Variants in PLA2G6 observed in about 807,000 individuals in gnomAD.
PLA2G6 encodes 85/88 kDa calcium-independent phospholipase A2.
PLA2G6 carries 62 observed loss-of-function variants against 83.8 expected under a neutral mutation model. The ratio of observed to expected loss-of-function variants is 0.74; its 90% confidence interval spans 0.60 to 0.91. The LOEUF is 0.91. PLA2G6 is among the 40% of genes least tolerant of loss of function. The pLI, the probability that PLA2G6 is intolerant of heterozygous loss-of-function variation, is 0.00. For missense variants in PLA2G6, 944 were observed against 1,102.0 expected (o/e 0.86, Z 2.03); for synonymous variants, 417 against 449.8 (o/e 0.93, Z 0.92).
At position 38,169,240 on chromosome 22, in the gene PLA2G6, T is replaced by C. The variant is rs11570606; in HGVS notation, c.187A>G (p.Arg63Gly). ...CACCGGAATCCACTCTGTGAGTTCC[T>C]GGGGTTGACCAGGACGCAGTCCCAG... ...RTWDCVLVNP[R>G]NSQSGFRLFQ... The change falls in exon 2 of 17, where the codon AGG (arginine) becomes GGG (glycine). Residue 63 changes from arginine to glycine, a missense_variant. Coordinates refer to ENST00000332509, the MANE Select transcript of PLA2G6 (RefSeq NM_003560.4). The C allele has an allele frequency of 6.1e-4, 991 of 1,614,052 alleles. 6 individuals carry two copies. The African/African-American group carries it at 0.012, about 20-fold the overall frequency.
rs1484691463 is a variant in PLA2G6, at chr22:38,128,542, T to C, written c.1187-112A>G. ...GTCCCCTGTCCCAGCTCCCAGGCCCTGGGCACGTGGGCTGCTCCAGAGGCC... is the reference window on the plus strand; with the variant it reads ...GTCCCCTGTCCCAGCTCCCAGGCCCCGGGCACGTGGGCTGCTCCAGAGGCC... On this transcript the variant is annotated intron_variant, in intron 8 of 16. Transcript: ENST00000332509. The surrounding 1 kb of genome is among the most constrained non-coding windows in gnomAD (Gnocchi z 4.4). 2.6e-6 allele frequency: 3 copies of C among 1,171,642 alleles called. No individual in the cohort carries two copies. The highest frequency in any genetic ancestry group is 4.0e-5 in the Admixed American group (2 of 50,178). The allele number at this position is 1,171,642 out of a possible 1,614,324, so 72.6% of individuals were successfully genotyped here.
Position 38,134,540 on chromosome 22 carries a change from C to T in PLA2G6, c.894+448G>A, listed in dbSNP as rs372427539. The T allele has an allele frequency of 1.0e-4, 16 of 156,564 alleles. No individual in the cohort carries two copies. In the South Asian group the frequency reaches 1.9e-3, roughly 18 times the overall value. The allele number at this position is 156,564 out of a possible 1,614,324, so 9.7% of individuals were successfully genotyped here. ...TTGTGCCACTGCACTCCAGCCTGGG[C>T]GACAGAGCGAGACTCCGTCTCAAAA... On this transcript the variant is annotated intron_variant, in intron 6 of 16. Transcript: ENST00000332509.
At position 38,116,148 on chromosome 22, in the gene PLA2G6, G is replaced by A. The variant is rs778516402; in HGVS notation, c.1806C>T (p.Tyr602=). The A allele has an allele frequency of 1.2e-5, 20 of 1,613,722 alleles. No individual in the cohort carries two copies. Among genetic ancestry groups the A allele is most frequent in the African/African-American group, 2.7e-5 (2 of 74,914 alleles). ...GCTCCCGGACAGTTTCTGGAGCATCGTAGTTCCGGAAGAGGTGGAGTTCAG... is the reference window on the plus strand; with the variant it reads ...GCTCCCGGACAGTTTCTGGAGCATCATAGTTCCGGAAGAGGTGGAGTTCAG... The part of the protein sequence containing the change: ...QPAELHLFRN[Y]DAPETVREPR... Residue 602 remains tyrosine (Y), a synonymous_variant, in exon 13 of 17, where the codon TAC becomes TAT. Transcript: ENST00000332509.
intron 2 of PLA2G6, among the ~76,000 whole-genome samples, chr22:38,168,288 T>C (rs1478714283): frequency 6.6e-6 from 1 of 152,186 alleles, no homozygotes; most frequent in Non-Finnish European, 1.5e-5. Flanking sequence ...GCCAGATGGA[T>C]AGGTGAGCGG....
chr22:38,127,341 G>A (rs1376075248), intron 9 of PLA2G6: 1 of 1,300,084 alleles, frequency 7.7e-7, no homozygotes, highest in Admixed American at 2.3e-5. Context: ...GACGGATTAG[G>A]GAGTGAGAGC....
At chr22:38,148,408 T>G (rs2089385983) in intron 2 of PLA2G6, 1 of 690,054 alleles carries the variant, frequency 1.4e-6, no homozygotes, top group African/African-American at 1.8e-5. Context: ...GACCACCTAC[T>G]GAGGACAGCC....
At chr22:38,121,346 A>G (rs1467252869) in intron 11 of PLA2G6, among the ~76,000 whole-genome samples, 1 of 152,216 alleles carries the variant, frequency 6.6e-6, no homozygotes, top group Non-Finnish European at 1.5e-5. Flanking sequence ...ACTGCACTCC[A>G]GCCTGGGCAA....
At chr22:38,166,579 A>G (rs1569297441) in intron 2 of PLA2G6, among the ~76,000 whole-genome samples, 1 of 151,914 alleles carries the variant, frequency 6.6e-6, no homozygotes, top group African/African-American at 2.4e-5. Context: ...AAACACAAAA[A>G]TTAGCCAGGT....
chr22:38,123,026 G>A lies in PLA2G6; in HGVS notation c.1591+69C>T. On this transcript the variant is annotated intron_variant, in intron 11 of 16. Coordinates refer to ENST00000332509, the MANE Select transcript of PLA2G6 (RefSeq NM_003560.4). This position sits in a 1 kb window ranked among gnomAD's most constrained non-coding sequence, Gnocchi z 4.1. The stretch of plus-strand genomic sequence containing the variant: ...CACTCTCTTTTTGCAAAGCCCTGAA[G>A]ACAAACTCGGCCCCTTGAGGACACA... 6.9e-7 allele frequency: 1 copy of A among 1,441,764 alleles called. No individual in the cohort carries two copies. Among genetic ancestry groups the A allele is most frequent in the South Asian group, 1.2e-5 (1 of 81,906 alleles). 89.3% of individuals were successfully genotyped at this position (1,441,764 alleles called of 1,614,324 possible).
At chr22:38,180,787 T>C (rs1209362677) in intron 1 of PLA2G6, among the ~76,000 whole-genome samples, 2 of 152,136 alleles carry the variant, frequency 1.3e-5, no homozygotes, top group Non-Finnish European at 2.9e-5. Context: ...GGGCAGGAGG[T>C]ACAGTTCCCC....
At chr22:38,169,494 G>A in intron 1 of PLA2G6, 23 bp from the exon 2 acceptor site, 1 of 1,389,614 alleles carries the variant, frequency 7.2e-7, no homozygotes, top group Non-Finnish European at 1.0e-6. Flanking sequence ...GAGGTCTCTG[G>A]TCAGCCAGGC....
chr22:38,121,374 C>A (rs1046785396), intron 11 of PLA2G6, among the ~76,000 whole-genome samples: 9 of 152,118 alleles, frequency 5.9e-5, no homozygotes, highest in Admixed American at 5.9e-4. Context: ...ACTCAAAAAC[C>A]ACTGAAGCCC....
chr22:38,163,582 G>T (rs559807240), intron 2 of PLA2G6: 1 of 169,560 alleles, frequency 5.9e-6, no homozygotes, highest in East Asian at 1.9e-4. Context: ...CACATGGGGG[G>T]TGCTGAGGCT....
chr22:38,116,217 G>A lies in PLA2G6; in HGVS notation c.1743-6C>T. The stretch of plus-strand genomic sequence containing the variant: ...GTGTCCCTGTCAGCATCACCCTGGA[G>A]AGAAATGAGGCAGGAGGACGGCTGA... On this transcript the variant is annotated splice_polypyrimidine_tract_variant and splice_region_variant and intron_variant, in intron 12 of 16. Coordinates refer to ENST00000332509, the MANE Select transcript of PLA2G6 (RefSeq NM_003560.4). 2 of 1,613,982 alleles carry A rather than the reference G, an allele frequency of 1.2e-6. No individual in the cohort carries two copies. Among genetic ancestry groups the A allele is most frequent in the South Asian group, 1.1e-5 (1 of 91,076 alleles).
chr22:38,173,595 G>A (rs531085066), intron 1 of PLA2G6, among the ~76,000 whole-genome samples: 1 of 152,148 alleles, frequency 6.6e-6, no homozygotes, highest in Non-Finnish European at 1.5e-5. Flanking sequence ...AACCAAGCTT[G>A]CCTGCTGGGT....
At position 38,158,402 on chromosome 22, in the gene PLA2G6, C is replaced by T. The variant is rs143696670; in HGVS notation, c.209+10816G>A. ...GCCAGGCTGGTCTCAAACTCCTTAC[C>T]TCAGGTGATCCACCCGCCTTGGCCT... is the stretch of plus-strand genomic sequence containing the variant. On this transcript the variant is annotated intron_variant, in intron 2 of 16. Transcript: ENST00000332509. 1.9e-3 allele frequency among the ~76,000 whole-genome samples: 288 copies of T among 152,248 alleles called. 5 individuals carry two copies. The highest frequency in any genetic ancestry group is 6.8e-3 in the African/African-American group (283 of 41,566).
chr22:38,137,549 G>C (rs1434914572), intron 5 of PLA2G6: 5 of 152,192 alleles, frequency 3.3e-5, no homozygotes. Context: ...AAACAGCAGA[G>C]GTGGCCAGGC....
intron 15 of PLA2G6, chr22:38,112,842 C>T (rs973224794): frequency 5.2e-6 from 3 of 581,504 alleles, no homozygotes; most frequent in East Asian, 2.9e-5. Flanking sequence ...GCGGCTGAGT[C>T]GACAGGCCTC....
chr22:38,128,981 A>G lies in PLA2G6; in HGVS notation c.1186+473T>C, dbSNP rs2088042049. On this transcript the variant is annotated intron_variant, in intron 8 of 16. Transcript: ENST00000332509. The surrounding 1 kb of genome is among the most constrained non-coding windows in gnomAD (Gnocchi z 4.4). Reference sequence around the variant, plus strand: ...AGCGGGCTCCAGGCCTCTGGTGAGGAGGATCTGCTCTGTCCAGCTCTGAAG... The same window carrying G: ...AGCGGGCTCCAGGCCTCTGGTGAGGGGGATCTGCTCTGTCCAGCTCTGAAG... Among the ~76,000 whole-genome samples, 1 of 152,232 alleles carries G rather than the reference A, an allele frequency of 6.6e-6. No individual in the cohort carries two copies. Among genetic ancestry groups the G allele is most frequent in the Non-Finnish European group, 1.5e-5 (1 of 68,034 alleles).
Sources: allele counts gnomAD v4.1 joint callset (sites outside exome capture counted in the v4.1 genomes callset), GRCh38; gene constraint gnomAD v4.1.1; non-coding constraint Gnocchi (gnomAD v3.1); transcripts MANE v1.5; gene names NCBI Gene and HGNC (gene_info 2026-07-23, HGNC 2026-07-21).